The following TP73 variants were observed in gnomAD, a reference collection of about 807,000 sequenced individuals.
TP73 encodes p53-like transcription factor.
TP73 carries 25 observed loss-of-function variants against 62.5 expected under a neutral mutation model. The ratio of observed to expected loss-of-function variants is 0.40; its 90% confidence interval spans 0.29 to 0.56. The LOEUF (loss-of-function observed/expected upper bound fraction) is 0.56, where lower values mean the gene tolerates loss of function less well. Ranked by LOEUF, TP73 falls within the 20% of genes least tolerant of loss-of-function variation. The pLI, the probability that TP73 is intolerant of heterozygous loss-of-function variation, is 0.46. For missense variants in TP73, 754 were observed against 913.3 expected (o/e 0.83, Z 2.25); for synonymous variants, 423 against 377.5 (o/e 1.12, Z -1.40).
At chr1:3,727,048 G>A in intron 6 of TP73, 67 bp from the exon 7 acceptor site, 1 of 1,391,548 alleles carries the variant, frequency 7.2e-7, no homozygotes, top group Non-Finnish European at 1.0e-6. Context: ...GGAGCTGGGG[G>A]CTGCCACCTT....
intron 1 of TP73, among the ~76,000 whole-genome samples, chr1:3,673,728 A>G (rs1645296735): frequency 6.6e-6 from 1 of 152,218 alleles, no homozygotes; most frequent in Non-Finnish European, 1.5e-5. Context: ...TATGACAGCA[A>G]GAAGGCCTGG....
chr1:3,716,002 G>A (rs1474739873), intron 4 of TP73, among the ~76,000 whole-genome samples: 11 of 152,192 alleles, frequency 7.2e-5, no homozygotes, highest in Admixed American at 2.0e-4. Context: ...AGAGTCCCCC[G>A]TGTGGCTCCT....
chr1:3,677,119 C>T (rs911072076), intron 1 of TP73, among the ~76,000 whole-genome samples: 1 of 152,092 alleles, frequency 6.6e-6, no homozygotes, highest in Admixed American at 6.5e-5. Context: ...GCCACACAGT[C>T]CCCTCCCCAG....
intron 3 of TP73, among the ~76,000 whole-genome samples, chr1:3,694,322 G>A (rs192657158): frequency 6.2e-4 from 5 of 8,024 alleles, no homozygotes; most frequent in South Asian, 9.6e-3. Context: ...CCCTCCTCCC[G>A]CAATCCCACC....
intron 3 of TP73, among the ~76,000 whole-genome samples, chr1:3,686,325 A>C (rs1204578979): frequency 6.6e-6 from 1 of 152,192 alleles, no homozygotes; most frequent in Non-Finnish European, 1.5e-5. Context: ...TGCCTTAGCC[A>C]CCTGCTTAGC....
chr1:3,686,792 A>G (rs561605058), intron 3 of TP73, among the ~76,000 whole-genome samples: 1 of 152,112 alleles, frequency 6.6e-6, no homozygotes. Flanking sequence ...TGAGCTCAGG[A>G]CCTACCCCTT....
Position 3,721,801 on chromosome 1 carries a change from C to T in TP73, c.430-220C>T, listed in dbSNP as rs541623635. ...CTGCTGTCATGGAGCCCAAATGACCCGATGGCTGTGGAGTGGGTGCCAGGG... is the reference window on the plus strand; with the variant it reads ...CTGCTGTCATGGAGCCCAAATGACCTGATGGCTGTGGAGTGGGTGCCAGGG... On this transcript the variant is annotated intron_variant, in intron 4 of 13. Coordinates refer to ENST00000378295, the MANE Select transcript of TP73 (RefSeq NM_005427.4). 3.3e-5 allele frequency among the ~76,000 whole-genome samples: 5 copies of T among 152,284 alleles called. No homozygotes were observed. The East Asian group carries it at 7.7e-4, about 24-fold the overall frequency.
intron 11 of TP73, 82 bp from the exon 12 acceptor site, chr1:3,730,843 CCA>C: frequency 6.7e-7 from 1 of 1,481,744 alleles, no homozygotes; most frequent in Non-Finnish European, 9.0e-7. Context: ...TCCCTGGTGT[CCA>C]GAGGTGTCTG....
In TP73 at chr1:3,722,087, T is replaced by G; in HGVS notation, c.496T>G (p.Ser166Ala). Residue 166 changes from serine to alanine, a missense_variant, in exon 5 of 14, where the codon TCC becomes GCC. Ser to Ala is a moderately conservative substitution (Grantham distance 99). Coordinates refer to ENST00000378295, the MANE Select transcript of TP73 (RefSeq NM_005427.4). ...AKTCPIQIKV[S>A]TPPPPGTAIR... ...GACATGCCCCATCCAGATCAAGGTG[T>G]CCACCCCGCCACCCCCAGGCACCGC... 1 of 1,612,902 alleles carries G rather than the reference T, an allele frequency of 6.2e-7. No homozygotes were observed. Among genetic ancestry groups the G allele is most frequent in the Non-Finnish European group, 8.5e-7 (1 of 1,179,800 alleles).
intron 1 of TP73, among the ~76,000 whole-genome samples, chr1:3,657,739 G>C (rs540223796): frequency 4.9e-4 from 75 of 152,300 alleles, no homozygotes; most frequent in Middle Eastern, 6.8e-3. Flanking sequence ...ACTGAAGGTC[G>C]GGGTTGGGCA....
At chr1:3,710,065 G>C (rs1276112667) in intron 4 of TP73, among the ~76,000 whole-genome samples, 9 of 152,028 alleles carry the variant, frequency 5.9e-5, no homozygotes, top group Admixed American at 3.3e-4. Context: ...CTGTGGGATG[G>C]GCTGGTCTGC....
intron 4 of TP73, among the ~76,000 whole-genome samples, chr1:3,710,106 C>T (rs1640005238): frequency 6.6e-6 from 1 of 151,470 alleles, no homozygotes; most frequent in African/African-American, 2.4e-5. Flanking sequence ...TGGTCAGCTG[C>T]ACCAGCGGGA....
At chr1:3,729,727 G>A (rs1885865) in intron 10 of TP73, 560,537 of 768,204 alleles carry the variant, frequency 0.73, 210,047 homozygotes, top group Non-Finnish European at 0.8. Flanking sequence ...GGTGGCCAGA[G>A]TGACCATGAC....
At chr1:3,726,696 TTGGATGGGGTGGG>T (rs770971270) in intron 6 of TP73, among the ~76,000 whole-genome samples, 1,356 of 104,376 alleles carry the variant, frequency 0.013, 10 homozygotes, top group Non-Finnish European at 0.019. Context: ...GGATGGATGG[TTGGATGGGGTGGG>T]TGGATGGATG....
In TP73 at chr1:3,710,781, C is replaced by T. The variant is rs986143556; in HGVS notation, c.429+2990C>T. ...CAGCACCCTCCCACATGCATGCACA[C>T]ACGTGGATACACAAGTACCTTATGC... On this transcript the variant is annotated intron_variant, in intron 4 of 13. Transcript: ENST00000378295. Among the ~76,000 whole-genome samples, 6 of 152,346 alleles carry T rather than the reference C, an allele frequency of 3.9e-5. No homozygotes were observed. In the East Asian group the frequency reaches 1.2e-3, roughly 29 times the overall value.
chr1:3,704,171 G>A lies in TP73; in HGVS notation c.187-3378G>A, dbSNP rs189797673. ...GGACTGAGGGTGTCGGCTCCGAGCC[G>A]TGTGTGTAATTCTGCTTTTTCTAGT... On this transcript the variant is annotated intron_variant, in intron 3 of 13. Coordinates refer to ENST00000378295, the MANE Select transcript of TP73 (RefSeq NM_005427.4). 1.3e-4 allele frequency among the ~76,000 whole-genome samples: 20 copies of A among 152,370 alleles called. No homozygotes were observed. In the South Asian group the frequency reaches 2.3e-3, roughly 17 times the overall value.
chr1:3,697,954 G>A lies in TP73; in HGVS notation c.187-9595G>A, dbSNP rs141876571. 1,268 of 361,112 alleles carry A rather than the reference G, an allele frequency of 3.5e-3. 8 individuals carry two copies. The highest frequency in any genetic ancestry group is 4.6e-3 in the Non-Finnish European group (1,188 of 259,144). The allele number at this position is 361,112 out of a possible 1,614,324, so 22.4% of individuals were successfully genotyped here. On this transcript the variant is annotated intron_variant, in intron 3 of 13. Transcript: ENST00000378295. Reference sequence around the variant, plus strand: ...CACCGAGGGCCATCGGAGGTGGCACGCCCCGTGACTGCCTCCCCCTCCCTG... The same window carrying A: ...CACCGAGGGCCATCGGAGGTGGCACACCCCGTGACTGCCTCCCCCTCCCTG...
intron 3 of TP73, among the ~76,000 whole-genome samples, chr1:3,690,188 A>C (rs1645774829): frequency 6.6e-6 from 1 of 152,138 alleles, no homozygotes; most frequent in Non-Finnish European, 1.5e-5. Flanking sequence ...AGTGGAAGGC[A>C]GGCCCCACAA....
chr1:3,683,744 G>A (rs565329308), intron 3 of TP73, among the ~76,000 whole-genome samples: 1 of 152,338 alleles, frequency 6.6e-6, no homozygotes, highest in Non-Finnish European at 1.5e-5. Context: ...CCGTTGATCT[G>A]AATGTGGTCA....
Sources: gnomAD v4.1 joint callset for allele counts (sites outside exome capture counted in the v4.1 genomes callset) on GRCh38, gnomAD v4.1.1 for gene constraint, MANE v1.5 for transcripts, NCBI Gene and HGNC (gene_info 2026-07-23, HGNC 2026-07-21) for gene names.